Variants in UBE2E2 observed in about 807,000 individuals in gnomAD.
UBE2E2 encodes ubiquitin conjugating enzyme E2 E2, also known as ubiquitin-conjugating enzyme E2 E2.
In UBE2E2, 6 loss-of-function variants were observed where a neutral mutation model predicts 24.7. That is an observed-to-expected ratio of 0.24 (90% CI 0.13 to 0.48). The LOEUF (loss-of-function observed/expected upper bound fraction) is 0.48, where lower values mean the gene tolerates loss of function less well. Ranked by LOEUF, UBE2E2 falls within the 20% of genes least tolerant of loss-of-function variation. The pLI is 0.99. For synonymous variants in UBE2E2, 104 were observed against 83.6 expected (o/e 1.24, Z -1.33); for missense variants, 169 against 245.0 (o/e 0.69, Z 2.07).
intron 3 of UBE2E2, among the ~76,000 whole-genome samples, chr3:23,435,536 G>A (rs1270241770): frequency 6.6e-6 from 1 of 152,222 alleles, no homozygotes; most frequent in Admixed American, 6.5e-5. Flanking sequence ...TATGTTCACA[G>A]CTAAGGCAAA....
intron 5 of UBE2E2, among the ~76,000 whole-genome samples, chr3:23,554,776 G>A (rs541495117): frequency 1.3e-5 from 2 of 152,026 alleles, no homozygotes; most frequent in East Asian, 3.9e-4. Flanking sequence ...CAACAAAATG[G>A]AAAAGGACAA....
At chr3:23,428,353 C>G (rs1032937320) in intron 3 of UBE2E2, among the ~76,000 whole-genome samples, 1 of 151,954 alleles carries the variant, frequency 6.6e-6, no homozygotes, top group Non-Finnish European at 1.5e-5. Context: ...ACAATGAAAA[C>G]AAAAACACAG....
intron 3 of UBE2E2, among the ~76,000 whole-genome samples, chr3:23,464,466 C>G (rs1218205699): frequency 6.6e-6 from 1 of 151,968 alleles, no homozygotes; most frequent in East Asian, 1.9e-4. Context: ...ATACAGGATA[C>G]TATTCTAAAA....
chr3:23,504,912 C>CTTT lies in UBE2E2; in HGVS notation c.360+5184_360+5186dup, dbSNP rs150970405. ...AATGTTTCTGTTTCAGACATTCTTT[C>CTTT]TTTTTTTTTTTTTTGAGACAGGGTC... On this transcript the variant is annotated intron_variant, in intron 4 of 5. Coordinates refer to ENST00000396703, the MANE Select transcript of UBE2E2 (RefSeq NM_152653.4). 1.4e-4 allele frequency among the ~76,000 whole-genome samples: 13 copies of CTTT among 95,062 alleles called. 1 individual carries two copies. The highest frequency in any genetic ancestry group is 5.1e-4 in the African/African-American group (11 of 21,586). 62.4% of individuals were successfully genotyped at this position (95,062 alleles called of 152,430 possible).
At chr3:23,374,944 A>T (rs1178597590) in intron 3 of UBE2E2, among the ~76,000 whole-genome samples, 1 of 152,072 alleles carries the variant, frequency 6.6e-6, no homozygotes, top group Non-Finnish European at 1.5e-5. Context: ...ACATCTCTAG[A>T]TTATATGAAG....
intron 3 of UBE2E2, among the ~76,000 whole-genome samples, chr3:23,258,900 GAAAAAAAAAAAA>G (rs11333992): frequency 3.8e-5 from 3 of 78,904 alleles, no homozygotes; most frequent in African/African-American, 8.9e-5. Flanking sequence ...CTCAAAAAAA[GAAAAAAAAAAAA>G]AAAAAAAAAA....
chr3:23,357,495 A>G (rs1239501970), intron 3 of UBE2E2, among the ~76,000 whole-genome samples: 1 of 152,112 alleles, frequency 6.6e-6, no homozygotes, highest in Non-Finnish European at 1.5e-5. Context: ...CTTAATATCT[A>G]GCATAACAGG....
chr3:23,347,203 G>C (rs1180090949), intron 3 of UBE2E2, among the ~76,000 whole-genome samples: 1 of 152,170 alleles, frequency 6.6e-6, no homozygotes, highest in Non-Finnish European at 1.5e-5. Flanking sequence ...CCATTACTGG[G>C]TGTATACCCA....
intron 3 of UBE2E2, among the ~76,000 whole-genome samples, chr3:23,459,951 T>C (rs922893438): frequency 4.6e-5 from 7 of 152,192 alleles, no homozygotes; most frequent in Admixed American, 1.3e-4. Context: ...TAACTAAAAG[T>C]ATTTTTCCCC....
At chr3:23,304,541 T>TGA (rs749971686) in intron 3 of UBE2E2, among the ~76,000 whole-genome samples, 2 of 152,222 alleles carry the variant, frequency 1.3e-5, no homozygotes, top group Non-Finnish European at 2.9e-5. Flanking sequence ...TCTTAATGTC[T>TGA]GACTTAACAG....
At position 23,242,255 on chromosome 3, in the gene UBE2E2, T is replaced by C. The variant is rs1340175651; in HGVS notation, c.227+24943T>C. ...CCAAGTCTGATGGTTTTTAAAGTTG[T>C]TTTTAGTATGATTGAATATGATTCT... On this transcript the variant is annotated intron_variant, in intron 3 of 5. Coordinates refer to ENST00000396703, the MANE Select transcript of UBE2E2 (RefSeq NM_152653.4). Among the ~76,000 whole-genome samples the C allele has an allele frequency of 2.6e-5, 4 of 152,008 alleles. No homozygotes were observed. In the East Asian group the frequency reaches 5.8e-4, roughly 22 times the overall value.
chr3:23,480,172 G>A (rs1467323396), intron 3 of UBE2E2, among the ~76,000 whole-genome samples: 2 of 152,202 alleles, frequency 1.3e-5, no homozygotes. Flanking sequence ...CCTCCCTCCT[G>A]CACTCGTAGG....
chr3:23,246,501 C>G lies in UBE2E2; in HGVS notation c.227+29189C>G, dbSNP rs993583959. Among the ~76,000 whole-genome samples the G allele has an allele frequency of 5.4e-5, 8 of 146,982 alleles. No homozygotes were observed. The East Asian group carries it at 1.6e-3, about 30-fold the overall frequency. On this transcript the variant is annotated intron_variant, in intron 3 of 5. Transcript: ENST00000396703. ...CCGCCCACCTCAGCCTCCCAAAGTT[C>G]TGGGATTACAGGCATGAGCCACTGT...
intron 4 of UBE2E2, among the ~76,000 whole-genome samples, chr3:23,517,144 G>T (rs1170782447): frequency 6.6e-6 from 1 of 151,836 alleles, no homozygotes; most frequent in Non-Finnish European, 1.5e-5. Flanking sequence ...AGACATCCCA[G>T]CTTTTTAAAT....
intron 4 of UBE2E2, among the ~76,000 whole-genome samples, chr3:23,500,307 C>T (rs754650215): frequency 2.6e-5 from 4 of 152,072 alleles, no homozygotes; most frequent in Non-Finnish European, 5.9e-5. Flanking sequence ...TATAATAGTT[C>T]ATTAATGAAA....
At chr3:23,393,512 G>C (rs1368197190) in intron 3 of UBE2E2, among the ~76,000 whole-genome samples, 3 of 152,194 alleles carry the variant, frequency 2.0e-5, no homozygotes, top group Non-Finnish European at 4.4e-5. Context: ...AACCCTGGGT[G>C]TGATGTCTCC....
At chr3:23,414,443 G>A (rs1336346050) in intron 3 of UBE2E2, among the ~76,000 whole-genome samples, 2 of 152,174 alleles carry the variant, frequency 1.3e-5, no homozygotes, top group African/African-American at 2.4e-5. Flanking sequence ...AGGGATGGTG[G>A]TAAACCGTTC....
intron 3 of UBE2E2, among the ~76,000 whole-genome samples, chr3:23,396,477 GAC>G (rs1209726736): frequency 6.6e-6 from 1 of 151,292 alleles, no homozygotes; most frequent in African/African-American, 2.4e-5. Context: ...TACATATACA[GAC>G]ACACACATAT....
At chr3:23,548,040 G>C (rs1451096866) in intron 5 of UBE2E2, among the ~76,000 whole-genome samples, 1 of 152,118 alleles carries the variant, frequency 6.6e-6, no homozygotes, top group African/African-American at 2.4e-5. Context: ...TCTCTCCTCT[G>C]CCTGCCTGCA....
Sources: gnomAD v4.1 joint callset for allele counts (sites outside exome capture counted in the v4.1 genomes callset) on GRCh38, gnomAD v4.1.1 for gene constraint, MANE v1.5 for transcripts, NCBI Gene and HGNC (gene_info 2026-07-23, HGNC 2026-07-21) for gene names.